LYN: variants seen among roughly 807,000 people sequenced by gnomAD.
LYN encodes LYN proto-oncogene, Src family tyrosine kinase.
A neutral mutation model predicts 65.0 loss-of-function variants in LYN; 12 were observed. The ratio of observed to expected loss-of-function variants is 0.18; its 90% CI spans 0.12 to 0.30. The LOEUF (loss-of-function observed/expected upper bound fraction) is 0.30, where lower values mean the gene tolerates loss of function less well. LYN is among the 10% of genes least tolerant of loss of function. The pLI, the probability that LYN is intolerant of heterozygous loss-of-function variation, is 1.00. For synonymous variants in LYN, 222 were observed against 221.2 expected (o/e 1.00, Z -0.03); for missense variants, 380 against 623.2 (o/e 0.61, Z 4.16).
intron 7 of LYN, 115 bp downstream of exon 7, chr8:55,952,230 A>C (rs1038781942): frequency 2.5e-6 from 2 of 799,956 alleles, no homozygotes. Context: ...TCTTAGATAC[A>C]GTTGCAGGTC....
At chr8:55,884,881 A>G (rs7834615) in intron 1 of LYN, among the ~76,000 whole-genome samples, 69,638 of 151,996 alleles carry the variant, frequency 0.46, 16,363 homozygotes, top group East Asian at 0.67. Flanking sequence ...TCTGTACTTC[A>G]TTTTCTCTCA....
At chr8:55,966,368 A>AT (rs34484836) in intron 8 of LYN, among the ~76,000 whole-genome samples, 118,230 of 147,796 alleles carry the variant, frequency 0.8, 47,378 homozygotes, top group Middle Eastern at 0.9. Flanking sequence ...TGAAGTTTTA[A>AT]TTTTTTTTTT....
intron 3 of LYN, 77 bp downstream of exon 3, chr8:55,946,570 T>C: frequency 1.1e-6 from 1 of 889,330 alleles, no homozygotes; most frequent in Non-Finnish European, 1.8e-6. Flanking sequence ...GTCCTAAATG[T>C]TTTTATTTTT....
chr8:56,007,633 T>G (rs1445890264), intron 12 of LYN, among the ~76,000 whole-genome samples: 3 of 152,224 alleles, frequency 2.0e-5, no homozygotes, highest in Non-Finnish European at 4.4e-5. Flanking sequence ...GAAAGGTCAC[T>G]GTGTCCTTAG....
At chr8:55,935,794 A>C (rs1021808146) in intron 1 of LYN, among the ~76,000 whole-genome samples, 9 of 151,976 alleles carry the variant, frequency 5.9e-5, no homozygotes, top group African/African-American at 9.6e-5. Flanking sequence ...AAAAAAAAAA[A>C]AAAACAGGAA....
intron 1 of LYN, among the ~76,000 whole-genome samples, chr8:55,891,543 G>A (rs190449759): frequency 1.3e-5 from 2 of 152,030 alleles, no homozygotes; most frequent in Non-Finnish European, 2.9e-5. Context: ...GATGGGGGAG[G>A]GAATGGGAAG....
intron 12 of LYN, among the ~76,000 whole-genome samples, chr8:56,001,653 A>G (rs990542002): frequency 4.6e-5 from 7 of 152,208 alleles, no homozygotes; most frequent in Non-Finnish European, 7.3e-5. Flanking sequence ...AATATTTCTA[A>G]TCAGCCCCAG....
intron 1 of LYN, among the ~76,000 whole-genome samples, chr8:55,886,120 A>G (rs573351677): frequency 3.9e-5 from 6 of 152,226 alleles, no homozygotes; most frequent in Non-Finnish European, 8.8e-5. Context: ...ACGTTTCGAA[A>G]TCTTTTAATG....
chr8:55,968,208 A>G (rs1049540385), intron 9 of LYN, among the ~76,000 whole-genome samples: 37 of 152,282 alleles, frequency 2.4e-4, no homozygotes, highest in Admixed American at 9.8e-4. Context: ...AGTATTCCTA[A>G]TGATAGGTAT....
chr8:55,959,021 GA>G (rs1395515612), intron 8 of LYN, among the ~76,000 whole-genome samples: 1 of 152,136 alleles, frequency 6.6e-6, no homozygotes, highest in East Asian at 1.9e-4. Context: ...CTAAAATTTG[GA>G]GGAACTGCCG....
intron 8 of LYN, among the ~76,000 whole-genome samples, chr8:55,965,741 T>A (rs921952490): frequency 1.3e-5 from 2 of 152,226 alleles, no homozygotes; most frequent in African/African-American, 4.8e-5. Context: ...TGTGTGTGTA[T>A]GTATATGTAT....
intron 1 of LYN, among the ~76,000 whole-genome samples, chr8:55,933,823 T>C (rs879547810): frequency 6.6e-6 from 1 of 152,226 alleles, no homozygotes; most frequent in Non-Finnish European, 1.5e-5. Context: ...AACATTCTAG[T>C]AAATGCAGTG....
At chr8:55,926,190 C>G (rs1806105958) in intron 1 of LYN, among the ~76,000 whole-genome samples, 1 of 152,172 alleles carries the variant, frequency 6.6e-6, no homozygotes, top group African/African-American at 2.4e-5. Context: ...CGTAGATTTA[C>G]CCCCCAGATC....
At chr8:55,958,836 A>G (rs1253927566) in intron 8 of LYN, among the ~76,000 whole-genome samples, 1 of 152,256 alleles carries the variant, frequency 6.6e-6, no homozygotes, top group Non-Finnish European at 1.5e-5. Flanking sequence ...ATATGCATAC[A>G]TAACCTTTTG....
At chr8:55,927,024 T>C (rs1443872901) in intron 1 of LYN, among the ~76,000 whole-genome samples, 2 of 152,198 alleles carry the variant, frequency 1.3e-5, no homozygotes, top group Non-Finnish European at 2.9e-5. Context: ...TATTAACATA[T>C]AATTAACTCC....
At chr8:56,007,820 T>TA (rs1808710720) in intron 12 of LYN, among the ~76,000 whole-genome samples, 2 of 152,156 alleles carry the variant, frequency 1.3e-5, no homozygotes, top group South Asian at 4.1e-4. Flanking sequence ...TAATTCATTT[T>TA]AAAAAATACT....
rs1249278240 is a variant in LYN, at chr8:55,989,602, T to C, written c.1051-8744T>C. Among the ~76,000 whole-genome samples the C allele has an allele frequency of 2.0e-5, 3 of 152,172 alleles. No homozygotes were observed. In the East Asian group the frequency reaches 5.8e-4, roughly 29 times the overall value. ...GCAACTTGGACTTTCTACTTTAACA[T>C]TGTTAGAGGAGAGGGAATTTAAATG... On this transcript the variant is annotated intron_variant, in intron 10 of 12. Transcript: ENST00000519728.
chr8:56,006,621 G>A (rs1808679940), intron 12 of LYN, among the ~76,000 whole-genome samples: 1 of 152,180 alleles, frequency 6.6e-6, no homozygotes, highest in Admixed American at 6.5e-5. Context: ...GTCCTGACTG[G>A]GCTGTGTGCC....
chr8:55,966,861 G>T lies in LYN; in HGVS notation c.937G>T (p.Glu313Ter). The T allele has an allele frequency of 6.2e-7, 1 of 1,614,016 alleles. No individual in the cohort carries two copies. Among genetic ancestry groups the T allele is most frequent in the Non-Finnish European group, 8.5e-7 (1 of 1,179,996 alleles). ...GCTCTACGCTGTGGTCACCAGGGAG[G>T]AGCCCATTTACATCATCACCGAGTA... is the stretch of plus-strand genomic sequence containing the variant. ...VRLYAVVTREEPIYIITEYMA... is the reference protein window; with the variant it reads ...VRLYAVVTRE The change falls in exon 9 of 13, where the codon GAG (glutamate) becomes TAG (stop). Residue 313 changes from glutamate to a stop codon, truncating the protein, a stop_gained. Transcript: ENST00000519728. LOFTEE classifies it high-confidence loss of function.
Sources: gnomAD v4.1 joint callset for allele counts (sites outside exome capture counted in the v4.1 genomes callset) on GRCh38, gnomAD v4.1.1 for gene constraint, MANE v1.5 for transcripts, NCBI Gene and HGNC (gene_info 2026-07-23, HGNC 2026-07-21) for gene names.